Variants in CERS4 observed in about 807,000 individuals in gnomAD.
The protein encoded by CERS4 is LAG1 homolog, ceramide synthase 4.
Under a neutral mutation model 51.8 loss-of-function variants are expected in CERS4, and 65 were observed. That is an observed-to-expected ratio of 1.26 (90% CI 1.03 to 1.54). CERS4 has a LOEUF of 1.54. Among genes scored for constraint, CERS4 ranks in the 40% most tolerant of loss-of-function variants. CERS4 has a pLI of 0.00. For missense variants in CERS4, 563 were observed against 500.4 expected, an observed-to-expected ratio of 1.13 and a Z score of -1.19; for synonymous variants, 228 against 208.4, an observed-to-expected ratio of 1.09 and a Z score of -0.81.
At chr19:8,249,938 C>T (rs1020475325) in intron 2 of CERS4, among the ~76,000 whole-genome samples, 3 of 152,022 alleles carry the variant, frequency 2.0e-5, no homozygotes, top group African/African-American at 7.2e-5. Flanking sequence ...TCAGAGGCAG[C>T]TTCCTGCAGT....
At chr19:8,249,864 C>T (rs35021246) in intron 2 of CERS4, among the ~76,000 whole-genome samples, 6,912 of 152,056 alleles carry the variant, frequency 0.045, 209 homozygotes, top group African/African-American at 0.07. Flanking sequence ...GCTGGGATTA[C>T]AGGCAGTGAG....
intron 2 of CERS4, among the ~76,000 whole-genome samples, chr19:8,219,419 C>CT (rs757343879): frequency 6.6e-6 from 1 of 152,206 alleles, no homozygotes; most frequent in Non-Finnish European, 1.5e-5. Context: ...CATCCCAACA[C>CT]TTTGAGAGGC....
chr19:8,250,971 G>A (rs1213704237), intron 2 of CERS4, 105 bp from the exon 3 acceptor site: 2 of 1,483,718 alleles, frequency 1.3e-6, no homozygotes, highest in African/African-American at 2.8e-5. Context: ...CAACTGCGCT[G>A]ATAGGGGCCC....
intron 2 of CERS4, among the ~76,000 whole-genome samples, chr19:8,240,139 A>G (rs972470708): frequency 6.6e-6 from 1 of 152,080 alleles, no homozygotes; most frequent in East Asian, 1.9e-4. Context: ...CTGGGGTGCA[A>G]ACATGGTACA....
At chr19:8,217,980 T>TTGTC (rs1967374284) in intron 2 of CERS4, among the ~76,000 whole-genome samples, 1 of 151,830 alleles carries the variant, frequency 6.6e-6, no homozygotes, top group Non-Finnish European at 1.5e-5. Flanking sequence ...TTGCTTTTAT[T>TTGTC]TTGAGACAGA....
chr19:8,215,737 C>A (rs10418768), intron 2 of CERS4, among the ~76,000 whole-genome samples: 1 of 151,904 alleles, frequency 6.6e-6, no homozygotes, highest in Non-Finnish European at 1.5e-5. Context: ...CCCCTCCATC[C>A]CCGTCCAAAC....
intron 2 of CERS4, among the ~76,000 whole-genome samples, chr19:8,221,424 GC>G (rs1568500752): frequency 6.6e-6 from 1 of 152,164 alleles, no homozygotes; most frequent in Non-Finnish European, 1.5e-5. Context: ...TTCACGGCTA[GC>G]CTCTGCACGT....
chr19:8,256,736 A>T (rs7249582), intron 8 of CERS4, 26 bp downstream of exon 8: 28 of 1,605,064 alleles, frequency 1.7e-5, no homozygotes, highest in Non-Finnish European at 2.3e-5. Context: ...AGTCTGGAAG[A>T]CCCAGTCTCT....
At chr19:8,237,421 G>A (rs563707758) in intron 2 of CERS4, among the ~76,000 whole-genome samples, 125 of 152,256 alleles carry the variant, frequency 8.2e-4, no homozygotes, top group African/African-American at 3.0e-3. Flanking sequence ...CACGCATGGT[G>A]GTGGATGCCT....
At chr19:8,245,098 C>T (rs1361540876) in intron 2 of CERS4, among the ~76,000 whole-genome samples, 3 of 5,568 alleles carry the variant, frequency 5.4e-4, no homozygotes, top group Non-Finnish European at 1.6e-3. Flanking sequence ...GGCGACCGAG[C>T]GAGACTCCAT....
Position 8,262,233 on chromosome 19 carries a change from G to A in CERS4, c.*124G>A, listed in dbSNP as rs1361460525. 1.8e-5 allele frequency: 20 copies of A among 1,097,830 alleles called. No homozygotes were observed. The highest frequency in any genetic ancestry group is 2.2e-5 in the South Asian group (1 of 44,926). 68.0% of individuals were successfully genotyped at this position (1,097,830 alleles called of 1,614,324 possible). ...GGGAGGGCCCCACCCGGGGTGGGTG[G>A]GAAGGCTGATGATCTGTCTCCAGCC... On this transcript the variant is annotated 3_prime_UTR_variant, in exon 12 of 12. Transcript: ENST00000251363.
intron 2 of CERS4, among the ~76,000 whole-genome samples, chr19:8,245,302 G>C (rs1305016486): frequency 6.6e-6 from 1 of 151,916 alleles, no homozygotes; most frequent in Non-Finnish European, 1.5e-5. Context: ...TTAGGCTGAA[G>C]TGTGGTGGCA....
At chr19:8,237,031 A>G (rs1201906575) in intron 2 of CERS4, among the ~76,000 whole-genome samples, 1 of 148,268 alleles carries the variant, frequency 6.7e-6, no homozygotes, top group Non-Finnish European at 1.5e-5. Context: ...AAAAAAACGA[A>G]AAGGAGAAAA....
chr19:8,237,939 A>AT (rs1477903134), intron 2 of CERS4, among the ~76,000 whole-genome samples: 1 of 152,052 alleles, frequency 6.6e-6, no homozygotes, highest in Non-Finnish European at 1.5e-5. Flanking sequence ...TGCTGTTTTT[A>AT]TTTTTATTTT....
At chr19:8,219,202 A>T (rs756010197) in intron 2 of CERS4, among the ~76,000 whole-genome samples, 1 of 151,720 alleles carries the variant, frequency 6.6e-6, no homozygotes, top group Non-Finnish European at 1.5e-5. Flanking sequence ...GCGAGACTTC[A>T]TCTCCCGCAA....
At chr19:8,245,122 A>ACAAAACAAACCAAAACAAAAAAAC (rs755450125) in intron 2 of CERS4, among the ~76,000 whole-genome samples, 1 of 129,258 alleles carries the variant, frequency 7.7e-6, no homozygotes, top group Admixed American at 7.8e-5. Context: ...AAAAAAAAAA[A>ACAAAACAAACCAAAACAAAAAAAC]AAAAAAAAAA....
At chr19:8,226,700 G>A (rs1240985867) in intron 2 of CERS4, among the ~76,000 whole-genome samples, 1 of 152,100 alleles carries the variant, frequency 6.6e-6, no homozygotes, top group African/African-American at 2.4e-5. Context: ...GAGCAAAAGA[G>A]TTCAAGACCA....
intron 2 of CERS4, among the ~76,000 whole-genome samples, chr19:8,245,129 A>AAAAAAAAAAAAAAAC (rs1327716311): frequency 3.4e-5 from 5 of 148,766 alleles, no homozygotes; most frequent in African/African-American, 1.3e-4. Context: ...AAAAAAAAAA[A>AAAAAAAAAAAAAAAC]AAAAAACACT....
intron 2 of CERS4, among the ~76,000 whole-genome samples, chr19:8,212,262 G>A (rs1172474049): frequency 1.3e-5 from 2 of 152,176 alleles, no homozygotes; most frequent in African/African-American, 4.8e-5. Context: ...GGAAGGGACT[G>A]CACCAGGCCA....
Sources: gnomAD v4.1 joint callset for allele counts (sites outside exome capture counted in the v4.1 genomes callset) on GRCh38, gnomAD v4.1.1 for gene constraint, MANE v1.5 for transcripts, NCBI Gene and HGNC (gene_info 2026-07-23, HGNC 2026-07-21) for gene names.